Variants in WWOX observed in about 807,000 individuals in gnomAD.
The protein encoded by WWOX is WW domain-containing oxidoreductase.
A neutral mutation model predicts 46.2 loss-of-function variants in WWOX; 69 were observed. That is an observed-to-expected ratio of 1.49 (90% CI 1.23 to 1.82). The LOEUF is 1.82. Ranked by LOEUF, WWOX falls within the 40% of genes most tolerant of loss-of-function variation. The probability of loss-of-function intolerance (pLI) is 0.00; values close to 1 mark genes in which losing one functional copy is unlikely to be tolerated. For synonymous variants in WWOX, 359 were observed against 202.6 expected (o/e 1.77, Z -6.56); for missense variants, 919 against 542.6 (o/e 1.69, Z -6.89).
At chr16:78,899,316 C>T (rs1230625600) in intron 8 of WWOX, 1 of 152,116 alleles carries the variant, frequency 6.6e-6, no homozygotes, top group Non-Finnish European at 1.5e-5. Flanking sequence ...TTCTTACTAT[C>T]TGCATATTAG....
intron 8 of WWOX, among the ~76,000 whole-genome samples, chr16:78,831,339 C>T (rs1268920713): frequency 1.3e-5 from 2 of 152,188 alleles, no homozygotes; most frequent in Admixed American, 1.3e-4. Context: ...GACCAGCCTC[C>T]AAGATGTATC....
At chr16:79,141,643 C>T (rs114400314) in intron 8 of WWOX, among the ~76,000 whole-genome samples, 1 of 152,158 alleles carries the variant, frequency 6.6e-6, no homozygotes, top group African/African-American at 2.4e-5. Flanking sequence ...AAACACATGA[C>T]AGTTTCTTGT....
chr16:78,640,240 T>G (rs1283275688), intron 8 of WWOX, among the ~76,000 whole-genome samples: 1 of 144,710 alleles, frequency 6.9e-6, no homozygotes, highest in South Asian at 2.3e-4. Context: ...TTTTTTTTTT[T>G]TTTTTTTTTT....
At position 78,459,953 on chromosome 16, in the gene WWOX, C is replaced by T. The variant is rs939870799; in HGVS notation, c.1056+27201C>T. 1.7e-4 allele frequency among the ~76,000 whole-genome samples: 26 copies of T among 151,746 alleles called. 1 individual carries two copies. The highest frequency in any genetic ancestry group is 5.8e-4 in the East Asian group (3 of 5,164). ...CCGGGTAGTTAGGGCTACAGGCACA[C>T]GCCAGCACACCCAGCTAATTTTTTG... On this transcript the variant is annotated intron_variant, in intron 8 of 8. Coordinates refer to ENST00000566780, the MANE Select transcript of WWOX (RefSeq NM_016373.4).
At chr16:78,247,047 A>AT (rs1219324855) in intron 5 of WWOX, among the ~76,000 whole-genome samples, 1 of 152,086 alleles carries the variant, frequency 6.6e-6, no homozygotes, top group Non-Finnish European at 1.5e-5. Context: ...TGAAAGATGT[A>AT]TTTTGTATAT....
At chr16:78,803,657 C>A (rs1340181431) in intron 8 of WWOX, among the ~76,000 whole-genome samples, 1 of 151,958 alleles carries the variant, frequency 6.6e-6, no homozygotes, top group African/African-American at 2.4e-5. Flanking sequence ...TGTGGTCTCC[C>A]TATGTTGCCC....
chr16:79,071,196 C>G (rs2048543835), intron 8 of WWOX, among the ~76,000 whole-genome samples: 1 of 152,190 alleles, frequency 6.6e-6, no homozygotes, highest in Non-Finnish European at 1.5e-5. Context: ...AGTTAAGGGG[C>G]TTTGTTGTTC....
chr16:78,638,992 T>C (rs1284231479), intron 8 of WWOX, among the ~76,000 whole-genome samples: 1 of 152,148 alleles, frequency 6.6e-6, no homozygotes, highest in African/African-American at 2.4e-5. Context: ...CCTAAAGGCT[T>C]ACTGGGTATC....
In WWOX at chr16:78,346,731, G is replaced by C. The variant is rs973015342; in HGVS notation, c.517-40129G>C. 2.5e-4 allele frequency among the ~76,000 whole-genome samples: 30 copies of C among 118,794 alleles called. 7 individuals carry two copies. Among genetic ancestry groups the C allele is most frequent in the African/African-American group, 8.3e-4 (29 of 34,916 alleles). The allele number at this position is 118,794 out of a possible 152,430, so 77.9% of individuals were successfully genotyped here. A position where few individuals can be genotyped will look rare whatever the true frequency, so the allele number is the denominator to read the frequency against. ...TATTATTTACTTTTTTTGAGATGGA[G>C]TCTCGCTCTGTTGCCCAGTCTGGAG... On this transcript the variant is annotated intron_variant, in intron 5 of 8. Transcript: ENST00000566780.
At chr16:78,793,336 C>T (rs532967316) in intron 8 of WWOX, among the ~76,000 whole-genome samples, 6 of 152,284 alleles carry the variant, frequency 3.9e-5, no homozygotes, top group Non-Finnish European at 7.4e-5. Flanking sequence ...GCTGGGATTC[C>T]AGGCGTGAGT....
intron 8 of WWOX, among the ~76,000 whole-genome samples, chr16:78,728,976 G>A (rs145441963): frequency 6.6e-5 from 10 of 152,196 alleles, no homozygotes; most frequent in Admixed American, 5.2e-4. Context: ...AGTGAGAAAC[G>A]TTGGCTTTAG....
intron 8 of WWOX, among the ~76,000 whole-genome samples, chr16:78,694,377 C>T (rs976824561): frequency 6.6e-6 from 1 of 152,216 alleles, no homozygotes; most frequent in Non-Finnish European, 1.5e-5. Context: ...GGGCCACACT[C>T]TTAGCTGGAC....
chr16:78,255,585 G>T (rs1214657896), intron 5 of WWOX, among the ~76,000 whole-genome samples: 3 of 151,952 alleles, frequency 2.0e-5, no homozygotes, highest in African/African-American at 7.3e-5. Flanking sequence ...ATGTCTTTTG[G>T]GGAAGGCGAG....
intron 8 of WWOX, among the ~76,000 whole-genome samples, chr16:78,710,118 C>G (rs1160851068): frequency 1.3e-5 from 2 of 151,986 alleles, no homozygotes; most frequent in African/African-American, 4.8e-5. Flanking sequence ...CAGTGACATA[C>G]TCCTACAGGG....
At chr16:79,041,864 T>C (rs1055080117) in intron 8 of WWOX, among the ~76,000 whole-genome samples, 1 of 152,112 alleles carries the variant, frequency 6.6e-6, no homozygotes, top group South Asian at 2.1e-4. Flanking sequence ...CTCTGCTTGC[T>C]CTGTCCTTTC....
At position 78,215,557 on chromosome 16, in the gene WWOX, C is replaced by A. The variant is rs375017759; in HGVS notation, c.516+51268C>A. Among the ~76,000 whole-genome samples, 41 of 152,202 alleles carry A rather than the reference C, an allele frequency of 2.7e-4. 5 individuals are homozygous for A. The highest frequency in any genetic ancestry group is 2.1e-3 in the Admixed American group (32 of 15,282). On this transcript the variant is annotated intron_variant, in intron 5 of 8. Coordinates refer to ENST00000566780, the MANE Select transcript of WWOX (RefSeq NM_016373.4). ...GTTTCCTGAGGCCTCCCTAGCCATG[C>A]GGAACTGTGAGTCAATAAACCTCTT...
chr16:78,547,133 A>C (rs1017396932), intron 8 of WWOX, among the ~76,000 whole-genome samples: 4 of 36,356 alleles, frequency 1.1e-4, no homozygotes, highest in Admixed American at 5.5e-4. Context: ...CTCAGAAAAA[A>C]AAAAAAAAAA....
At chr16:78,651,670 T>G (rs1456209279) in intron 8 of WWOX, among the ~76,000 whole-genome samples, 1 of 152,188 alleles carries the variant, frequency 6.6e-6, no homozygotes, top group African/African-American at 2.4e-5. Flanking sequence ...CTGCCTCCCC[T>G]TCTCCCACCT....
Position 78,744,458 on chromosome 16 carries a change from G to C in WWOX, c.1056+311706G>C, listed in dbSNP as rs574757697. ...TTTTTTTTTTTTTTTTTGAAACGGA[G>C]TATCTGTCTCTCACCCAGGCTGGAG... On this transcript the variant is annotated intron_variant, in intron 8 of 8. Transcript: ENST00000566780. Among the ~76,000 whole-genome samples the C allele has an allele frequency of 5.5e-4, 65 of 117,834 alleles. 1 individual carries two copies. The highest frequency in any genetic ancestry group is 2.3e-3 in the African/African-American group (64 of 27,374). The allele number at this position is 117,834 out of a possible 152,430, so 77.3% of individuals were successfully genotyped here.
Sources: allele counts gnomAD v4.1 joint callset (sites outside exome capture counted in the v4.1 genomes callset), GRCh38; gene constraint gnomAD v4.1.1; transcripts MANE v1.5; gene names NCBI Gene and HGNC (gene_info 2026-07-23, HGNC 2026-07-21).